Variants in UGT1A5 observed in about 807,000 individuals in gnomAD.
UGT1A5 encodes UDP glucuronosyltransferase family 1 member A5.
Under a neutral mutation model 40.3 loss-of-function variants are expected in UGT1A5, and 29 were observed. That is an observed-to-expected ratio of 0.72 (90% confidence interval 0.54 to 0.98). The LOEUF is 0.98. UGT1A5 is among the 50% of genes least tolerant of loss of function. The pLI is 0.00. For missense variants in UGT1A5, 678 were observed against 677.9 expected, an observed-to-expected ratio of 1.00 and a Z score of 0.00; for synonymous variants, 257 against 262.5, an observed-to-expected ratio of 0.98 and a Z score of 0.20.
Position 233,768,253 on chromosome 2 carries a change from C to G in UGT1A5, c.1121C>G (p.Ala374Gly). ...HPMTRAFITH[A>G]GSHGVYESIC... ...ATGACCCGTGCCTTTATCACCCATG[C>G]TGGTTCCCATGGTGTTTATGAAAGC... The change falls in exon 4 of 5, where the codon GCT becomes GGT. Residue 374 changes from alanine (A) to glycine (G), a missense_variant. Transcript: ENST00000373414. 6.2e-7 allele frequency: 1 copy of G among 1,614,206 alleles called. No homozygotes were observed. Among genetic ancestry groups the G allele is most frequent in the Non-Finnish European group, 8.5e-7 (1 of 1,180,038 alleles).
rs1178018823 is a variant in UGT1A5, at chr2:233,724,688, G to A, written c.867+10830G>A. 1.4e-5 allele frequency among the ~76,000 whole-genome samples: 2 copies of A among 144,826 alleles called. 1 individual carries two copies. Among genetic ancestry groups the A allele is most frequent in the Non-Finnish European group, 3.0e-5 (2 of 66,424 alleles). On this transcript the variant is annotated intron_variant, in intron 1 of 4. Transcript: ENST00000373414. ...TCACTTCCTAGATGGGATGGCGGCC[G>A]GGTGAAGACGCTCCTCGCTTTCCAG...
rs753857882 is a variant in UGT1A5, at chr2:233,750,179, ATGT to A, written c.868-16851_868-16849del. ...AATGGTTTTGACCAAAATGCTGATA[ATGT>A]TGTGGACAATGAAGTCCAGGCTGAG... On this transcript the variant is annotated intron_variant, in intron 1 of 4. Transcript: ENST00000373414. Among the ~76,000 whole-genome samples, 2 of 151,978 alleles carry A rather than the reference ATGT, an allele frequency of 1.3e-5. 1 individual carries two copies. The highest frequency in any genetic ancestry group is 6.8e-3 in the Middle Eastern group (2 of 294).
chr2:233,753,563 T>C (rs1178575284), intron 1 of UGT1A5: 3 of 152,234 alleles, frequency 2.0e-5, no homozygotes, highest in Non-Finnish European at 2.9e-5. Flanking sequence ...CCCTAGAAGA[T>C]GGGACCCTTT....
chr2:233,728,923 A>G (rs3806597), intron 1 of UGT1A5, among the ~76,000 whole-genome samples: 83,819 of 152,074 alleles, frequency 0.55, 25,237 homozygotes, highest in African/African-American at 0.81. Flanking sequence ...CAAGATAGTC[A>G]TGATCGGTCT....
intron 1 of UGT1A5, chr2:233,756,022 T>C (rs1696092015): frequency 6.6e-6 from 1 of 152,142 alleles, no homozygotes; most frequent in Non-Finnish European, 1.5e-5. Context: ...ATATTACACA[T>C]CCCCCATGTA....
rs1694565729 is a variant in UGT1A5, at chr2:233,750,814, C to T, written c.868-16220C>T. 2.0e-5 allele frequency: 3 copies of T among 151,858 alleles called. No individual in the cohort carries two copies. In the South Asian group the frequency reaches 6.2e-4, roughly 31 times the overall value. The allele number at this position is 151,858 out of a possible 1,614,324, so 9.4% of individuals were successfully genotyped here. A position where few individuals can be genotyped will look rare whatever the true frequency, so the allele number is the denominator to read the frequency against. On this transcript the variant is annotated intron_variant, in intron 1 of 4. Coordinates refer to ENST00000373414, the MANE Select transcript of UGT1A5 (RefSeq NM_019078.2). ...ATAAGAATTTAGGTTTGGGAACCTCCACATAAATTTGAGAGGATGTAAGGA... is the reference window on the plus strand; with the variant it reads ...ATAAGAATTTAGGTTTGGGAACCTCTACATAAATTTGAGAGGATGTAAGGA...
chr2:233,728,946 G>T (rs1229319811), intron 1 of UGT1A5, among the ~76,000 whole-genome samples: 2 of 148,876 alleles, frequency 1.3e-5, no homozygotes, highest in Non-Finnish European at 2.9e-5. Context: ...TCCAGGGTGG[G>T]GCCCACAGTG....
chr2:233,728,258 A>G (rs1381126845), intron 1 of UGT1A5, among the ~76,000 whole-genome samples: 1 of 152,204 alleles, frequency 6.6e-6, no homozygotes, highest in East Asian at 1.9e-4. Flanking sequence ...GATGACTGAA[A>G]TAAAGACTGG....
chr2:233,750,385 TG>T (rs1415350157), intron 1 of UGT1A5, among the ~76,000 whole-genome samples: 2 of 151,950 alleles, frequency 1.3e-5, no homozygotes, highest in Non-Finnish European at 2.9e-5. Flanking sequence ...CATAAAAGTT[TG>T]GAAAATTTGC....
At chr2:233,748,948 C>T (rs1323524016) in intron 1 of UGT1A5, among the ~76,000 whole-genome samples, 1 of 151,628 alleles carries the variant, frequency 6.6e-6, no homozygotes, top group Non-Finnish European at 1.5e-5. Context: ...CCACCCTATC[C>T]CACTCCAAGT....
rs540217987 is a variant in UGT1A5, at chr2:233,754,403, C to G, written c.868-12631C>G. On this transcript the variant is annotated intron_variant, in intron 1 of 4. Coordinates refer to ENST00000373414, the MANE Select transcript of UGT1A5 (RefSeq NM_019078.2). ...CAAACAGAGGTCCTATCCGTGCAGTCCCAACAATAAAGACAGGCATTGGCA... is the reference window on the plus strand; with the variant it reads ...CAAACAGAGGTCCTATCCGTGCAGTGCCAACAATAAAGACAGGCATTGGCA... 52 of 338,868 alleles carry G rather than the reference C, an allele frequency of 1.5e-4. 1 individual carries two copies. Among genetic ancestry groups the G allele is most frequent in the South Asian group, 1.1e-3 (47 of 41,482 alleles). 21.0% of individuals were successfully genotyped at this position (338,868 alleles called of 1,614,324 possible).
intron 1 of UGT1A5, among the ~76,000 whole-genome samples, chr2:233,762,865 T>G (rs1473495061): frequency 6.6e-6 from 1 of 152,238 alleles, no homozygotes; most frequent in Non-Finnish European, 1.5e-5. Context: ...TAAAGAAATT[T>G]TGGTTTCTTC....
chr2:233,772,831 T>TCACACAAGAAAG lies in UGT1A5; in HGVS notation c.*273_*274insACACAAGAAAGC. 2 of 893,952 alleles carry TCACACAAGAAAG rather than the reference T, an allele frequency of 2.2e-6. No individual in the cohort carries two copies. Among genetic ancestry groups the TCACACAAGAAAG allele is most frequent in the Non-Finnish European group, 3.1e-6 (2 of 642,656 alleles). 55.4% of individuals were successfully genotyped at this position (893,952 alleles called of 1,614,324 possible). A position where few individuals can be genotyped will look rare whatever the true frequency, so the allele number is the denominator to read the frequency against. On this transcript the variant is annotated 3_prime_UTR_variant, in exon 5 of 5. Transcript: ENST00000373414. ...AGAGGACGTGCAGACAGGCTGGCAT[T>TCACACAAGAAAG]CTAGATTACTTTTCTTACTCTGAAA...
chr2:233,734,912 C>G (rs2078584447), intron 1 of UGT1A5, among the ~76,000 whole-genome samples: 1 of 152,122 alleles, frequency 6.6e-6, no homozygotes, highest in Admixed American at 6.5e-5. Flanking sequence ...TTTACATTTG[C>G]TAAGGAGTGC....
rs148565852 is a variant in UGT1A5, at chr2:233,719,296, C to T, written c.867+5438C>T. 4.0e-5 allele frequency: 64 copies of T among 1,613,940 alleles called. 1 individual carries two copies. The Admixed American group carries it at 4.5e-4, about 11-fold the overall frequency. ...ACAGACCCCGTTAACCTCTGTGGGG[C>T]GGTGCTGGCTAAGTACCTGTCGATT... On this transcript the variant is annotated intron_variant, in intron 1 of 4. Coordinates refer to ENST00000373414, the MANE Select transcript of UGT1A5 (RefSeq NM_019078.2).
chr2:233,743,985 A>G (rs1333314866), intron 1 of UGT1A5: 3 of 1,283,108 alleles, frequency 2.3e-6, no homozygotes, highest in Non-Finnish European at 3.1e-6. Context: ...ACCCAGGCGC[A>G]GGCCCGAGTG....
intron 1 of UGT1A5, chr2:233,729,857 C>T: frequency 6.2e-7 from 1 of 1,613,876 alleles, no homozygotes; most frequent in Non-Finnish European, 8.5e-7. Context: ...AGAGAGGTGT[C>T]AGTGGTGGAT....
intron 1 of UGT1A5, among the ~76,000 whole-genome samples, chr2:233,749,879 T>C (rs965424457): frequency 2.6e-5 from 4 of 151,958 alleles, no homozygotes; most frequent in African/African-American, 9.7e-5. Flanking sequence ...ATTATAAGTT[T>C]CCTGAGGCTC....
intron 1 of UGT1A5, among the ~76,000 whole-genome samples, chr2:233,735,332 CCCT>C (rs1370680627): frequency 6.6e-6 from 1 of 151,862 alleles, no homozygotes; most frequent in Non-Finnish European, 1.5e-5. Flanking sequence ...GGATTGCAAC[CCCT>C]GCTTTTTTTT....
Sources: gnomAD v4.1 joint callset for allele counts (sites outside exome capture counted in the v4.1 genomes callset) on GRCh38, gnomAD v4.1.1 for gene constraint, MANE v1.5 for transcripts, NCBI Gene and HGNC (gene_info 2026-07-23, HGNC 2026-07-21) for gene names.